Variants in RSPO4 observed in about 807,000 individuals in gnomAD.
The protein encoded by RSPO4 is R-spondin 4.
In RSPO4, 23 loss-of-function variants were observed where a neutral mutation model predicts 24.8. The observed-to-expected ratio is 0.93, with a 90% CI of 0.67 to 1.31. The LOEUF (loss-of-function observed/expected upper bound fraction) is 1.31. Ranked by LOEUF, RSPO4 falls within the 40% of genes most tolerant of loss-of-function variation. The pLI is 0.00. For missense variants in RSPO4, 333 were observed against 316.5 expected, an observed-to-expected ratio of 1.05 and a Z score of -0.39; for synonymous variants, 141 against 127.4, an observed-to-expected ratio of 1.11 and a Z score of -0.72.
At chr20:999,055 G>A (rs112104295) in intron 1 of RSPO4, among the ~76,000 whole-genome samples, 5,262 of 149,546 alleles carry the variant, frequency 0.035, 303 homozygotes, top group African/African-American at 0.12. Context: ...GCACAATCAC[G>A]GCTCACTGCA....
chr20:977,859 C>A (rs1669861667), intron 1 of RSPO4, among the ~76,000 whole-genome samples: 1 of 151,532 alleles, frequency 6.6e-6, no homozygotes, highest in African/African-American at 2.4e-5. Flanking sequence ...AGCGCATCCT[C>A]CGATGCCCGC....
Position 1,002,254 on chromosome 20 carries a change from C to T in RSPO4, c.-90G>A. 1.3e-6 allele frequency: 1 copy of T among 771,762 alleles called. No individual in the cohort carries two copies. Among genetic ancestry groups the T allele is most frequent in the Non-Finnish European group, 1.7e-6 (1 of 594,316 alleles). 47.8% of individuals were successfully genotyped at this position (771,762 alleles called of 1,614,324 possible). A position where few individuals can be genotyped will look rare whatever the true frequency, so the allele number is the denominator to read the frequency against. On this transcript the variant is annotated 5_prime_UTR_variant, in exon 1 of 5. Transcript: ENST00000217260. This position sits in a 1 kb window ranked among gnomAD's most constrained non-coding sequence, Gnocchi z 4.6. ...GGCGGCGGCACGGCGGGCGCGGGGG[C>T]TGCTGTGGGCGCGCCGGGCGCATCC...
intron 1 of RSPO4, among the ~76,000 whole-genome samples, chr20:999,892 A>G (rs1412710739): frequency 6.6e-6 from 1 of 152,060 alleles, no homozygotes; most frequent in African/African-American, 2.4e-5. Context: ...TTGTTGAGAC[A>G]GAGTCTCACT....
rs1984382853 is a variant in RSPO4, at chr20:970,813, T to G, written c.80-2675A>C. 6.6e-6 allele frequency among the ~76,000 whole-genome samples: 1 copy of G among 152,188 alleles called. No individual in the cohort carries two copies. Among genetic ancestry groups the G allele is most frequent in the African/African-American group, 2.4e-5 (1 of 41,436 alleles). ...AGTACCTAATAAATTTGGAGATGTC[T>G]CTTTTCTTTTTGTGTTAAAAAGTTT... On this transcript the variant is annotated intron_variant, in intron 1 of 4. Transcript: ENST00000217260. This position sits in a 1 kb window ranked among gnomAD's most constrained non-coding sequence, Gnocchi z 4.1.
Position 964,761 on chromosome 20 carries a change from T to TAC in RSPO4, c.410-642_410-641insGT, listed in dbSNP as rs539146662. Among the ~76,000 whole-genome samples the TAC allele has an allele frequency of 2.0e-3, 271 of 132,394 alleles. 2 individuals carry two copies. The highest frequency in any genetic ancestry group is 9.1e-3 in the African/African-American group (250 of 27,486). 86.9% of individuals were successfully genotyped at this position (132,394 alleles called of 152,430 possible). Reference sequence around the variant, plus strand: ...ACACACACATATATATACACATATATATACACACACACACACATATATATA... The same window carrying TAC: ...ACACACACATATATATACACATATATACATACACACACACACACATATATATA... On this transcript the variant is annotated intron_variant, in intron 3 of 4. Coordinates refer to ENST00000217260, the MANE Select transcript of RSPO4 (RefSeq NM_001029871.4).
At chr20:977,730 C>T (rs1390856416) in intron 1 of RSPO4, among the ~76,000 whole-genome samples, 3 of 152,112 alleles carry the variant, frequency 2.0e-5, no homozygotes, top group African/African-American at 7.2e-5. Context: ...GAGGACTCCC[C>T]AGGGCTAAGA....
At chr20:993,183 C>T (rs1985165864) in intron 1 of RSPO4, among the ~76,000 whole-genome samples, 1 of 152,174 alleles carries the variant, frequency 6.6e-6, no homozygotes, top group Admixed American at 6.5e-5. Flanking sequence ...GCTGGTGAAA[C>T]AGAATTTCCC....
At chr20:994,511 A>AT (rs1985211099) in intron 1 of RSPO4, among the ~76,000 whole-genome samples, 1 of 151,952 alleles carries the variant, frequency 6.6e-6, no homozygotes, top group Non-Finnish European at 1.5e-5. Flanking sequence ...TTATTAAGAA[A>AT]TTCCTGCAGA....
chr20:985,043 C>T (rs1172366993), intron 1 of RSPO4, among the ~76,000 whole-genome samples: 3 of 100,974 alleles, frequency 3.0e-5, no homozygotes, highest in Admixed American at 2.7e-4. Context: ...ATCTATCCAT[C>T]CAATCACCCA....
Position 968,015 on chromosome 20 carries a change from T to TTGCCGTACTGGCGGA in RSPO4, c.188_202dup (p.Ile63_Gly67dup), listed in dbSNP as rs1397097879. 6.2e-7 allele frequency: 1 copy of TTGCCGTACTGGCGGA among 1,614,254 alleles called. No homozygotes were observed. The highest frequency in any genetic ancestry group is 8.5e-7 in the Non-Finnish European group (1 of 1,180,044). On this transcript the variant is annotated inframe_insertion, in exon 2 of 5. Transcript: ENST00000217260. ...CCCAGGGGGACAGTCGTGCAGGCAC[T>TTGCCGTACTGGCGGA]TGCCGTACTGGCGGATGCCTTCCCG...
intron 1 of RSPO4, among the ~76,000 whole-genome samples, chr20:994,129 T>G (rs1985198514): frequency 6.6e-6 from 1 of 152,264 alleles, no homozygotes; most frequent in African/African-American, 2.4e-5. Flanking sequence ...TGGCATCTCC[T>G]GCACCCTCAT....
intron 3 of RSPO4, among the ~76,000 whole-genome samples, chr20:965,140 A>G (rs1408799803): frequency 6.6e-6 from 1 of 152,044 alleles, no homozygotes; most frequent in Non-Finnish European, 1.5e-5. Flanking sequence ...GCCTCCTGGA[A>G]TTCACCATCT....
intron 3 of RSPO4, among the ~76,000 whole-genome samples, chr20:964,741 C>T (rs1386116580): frequency 6.7e-6 from 1 of 148,762 alleles, no homozygotes; most frequent in Non-Finnish European, 1.5e-5. Flanking sequence ...TACACACACA[C>T]ACATATATAT....
At chr20:993,442 C>T (rs1242039548) in intron 1 of RSPO4, among the ~76,000 whole-genome samples, 4 of 152,246 alleles carry the variant, frequency 2.6e-5, no homozygotes, top group Admixed American at 2.6e-4. Context: ...GCTGTTCCAC[C>T]GGGCTAGGAA....
intron 4 of RSPO4, among the ~76,000 whole-genome samples, chr20:961,781 C>A (rs1246788871): frequency 6.6e-6 from 1 of 152,022 alleles, no homozygotes; most frequent in African/African-American, 2.4e-5. Context: ...AGTCACCCAC[C>A]CATCCCTCCA....
At chr20:976,837 T>A (rs1203779088) in intron 1 of RSPO4, among the ~76,000 whole-genome samples, 1 of 152,148 alleles carries the variant, frequency 6.6e-6, no homozygotes, top group Non-Finnish European at 1.5e-5. Context: ...TTGGATAGAT[T>A]TCTAGCATTT....
intron 1 of RSPO4, among the ~76,000 whole-genome samples, chr20:972,902 T>G (rs982213201): frequency 2.6e-5 from 4 of 152,220 alleles, no homozygotes; most frequent in Non-Finnish European, 5.9e-5. Context: ...CCTGGCAGAA[T>G]AGGACTTCAA....
At chr20:998,084 G>A (rs1356195900) in intron 1 of RSPO4, among the ~76,000 whole-genome samples, 2 of 152,240 alleles carry the variant, frequency 1.3e-5, no homozygotes, top group Non-Finnish European at 2.9e-5. Context: ...GCACGGACGG[G>A]AGAAGGCATG....
Position 970,239 on chromosome 20 carries a change from G to A in RSPO4, c.80-2101C>T, listed in dbSNP as rs1334547164. Among the ~76,000 whole-genome samples the A allele has an allele frequency of 6.6e-6, 1 of 152,080 alleles. No homozygotes were observed. Among genetic ancestry groups the A allele is most frequent in the Non-Finnish European group, 1.5e-5 (1 of 68,000 alleles). Reference sequence around the variant, plus strand: ...AGGGCAGGCTCTCTGCCCAGCCCTGGCTGAGGCCTTTCTCTCTCCCTTCCA... The same window carrying A: ...AGGGCAGGCTCTCTGCCCAGCCCTGACTGAGGCCTTTCTCTCTCCCTTCCA... On this transcript the variant is annotated intron_variant, in intron 1 of 4. Coordinates refer to ENST00000217260, the MANE Select transcript of RSPO4 (RefSeq NM_001029871.4). This position sits in a 1 kb window ranked among gnomAD's most constrained non-coding sequence, Gnocchi z 4.1.
Sources: gnomAD v4.1 joint callset for allele counts (sites outside exome capture counted in the v4.1 genomes callset) on GRCh38, gnomAD v4.1.1 for gene constraint, Gnocchi (gnomAD v3.1) non-coding constraint, MANE v1.5 for transcripts, NCBI Gene and HGNC (gene_info 2026-07-23, HGNC 2026-07-21) for gene names.